The following SORCS1 variants were observed in gnomAD, a reference collection of about 807,000 sequenced individuals.
The protein encoded by SORCS1 is sortilin related VPS10 domain containing receptor 1, also known as VPS10 domain-containing receptor SorCS1.
A neutral mutation model predicts 146.1 loss-of-function variants in SORCS1; 60 were observed. The ratio of observed to expected loss-of-function variants is 0.41; its 90% CI spans 0.33 to 0.51. SORCS1 has a LOEUF of 0.51. SORCS1 is among the 20% of genes least tolerant of loss of function. The pLI is 0.21. For missense variants in SORCS1, 1,352 were observed against 1,487.6 expected, an observed-to-expected ratio of 0.91 and a Z score of 1.50; for synonymous variants, 637 against 584.0, an observed-to-expected ratio of 1.09 and a Z score of -1.31.
intron 1 of SORCS1, among the ~76,000 whole-genome samples, chr10:106,979,138 AAG>A (rs1428492914): frequency 6.6e-6 from 1 of 152,182 alleles, no homozygotes; most frequent in Non-Finnish European, 1.5e-5. Flanking sequence ...TCCAGGAAAA[AAG>A]AGGGTGAATA....
intron 2 of SORCS1, among the ~76,000 whole-genome samples, chr10:106,951,033 A>G (rs902232669): frequency 6.6e-6 from 1 of 152,212 alleles, no homozygotes; most frequent in Non-Finnish European, 1.5e-5. Context: ...CACTTATCTC[A>G]TATTTTTATT....
chr10:107,097,974 T>G (rs1487827710), intron 1 of SORCS1, among the ~76,000 whole-genome samples: 2 of 152,168 alleles, frequency 1.3e-5, no homozygotes, highest in Non-Finnish European at 2.9e-5. Flanking sequence ...TGTTACACAG[T>G]AGGGTGATCG....
intron 2 of SORCS1, among the ~76,000 whole-genome samples, chr10:106,860,443 A>G (rs569774525): frequency 2.0e-5 from 3 of 152,170 alleles, no homozygotes; most frequent in East Asian, 1.9e-4. Flanking sequence ...GTGAACATTT[A>G]TTGAATGCTT....
chr10:107,114,943 T>A (rs146665645), intron 1 of SORCS1, among the ~76,000 whole-genome samples: 1 of 152,196 alleles, frequency 6.6e-6, no homozygotes, highest in East Asian at 1.9e-4. Context: ...GTCAGTTGCA[T>A]TTCTATCACC....
chr10:106,891,949 C>T (rs1244668152), intron 2 of SORCS1, among the ~76,000 whole-genome samples: 1 of 152,152 alleles, frequency 6.6e-6, no homozygotes, highest in Non-Finnish European at 1.5e-5. Context: ...CCTTCTTCTA[C>T]CACAGCGTTC....
intron 3 of SORCS1, among the ~76,000 whole-genome samples, chr10:106,821,712 G>A (rs1481629042): frequency 6.6e-6 from 1 of 152,070 alleles, no homozygotes; most frequent in Non-Finnish European, 1.5e-5. Context: ...CCGAGGTCAG[G>A]AGATCAAGAC....
chr10:106,608,445 G>C (rs1034089666), intron 22 of SORCS1, among the ~76,000 whole-genome samples: 2 of 152,052 alleles, frequency 1.3e-5, no homozygotes, highest in African/African-American at 2.4e-5. Context: ...ACTCCACTGT[G>C]CTGCATTTTT....
chr10:106,729,443 C>CTT (rs34045437), intron 6 of SORCS1, among the ~76,000 whole-genome samples: 2 of 145,184 alleles, frequency 1.4e-5, no homozygotes, highest in Non-Finnish European at 3.0e-5. Flanking sequence ...CTCTCTCTCT[C>CTT]TTTTTTTTTT....
chr10:106,728,809 T>C (rs1025780673), intron 6 of SORCS1, among the ~76,000 whole-genome samples: 33 of 152,154 alleles, frequency 2.2e-4, no homozygotes, highest in Non-Finnish European at 1.5e-4. Context: ...GGGAAGGTCT[T>C]GGAAATGAGA....
chr10:106,601,483 A>G (rs1846237488), intron 23 of SORCS1, among the ~76,000 whole-genome samples: 1 of 152,206 alleles, frequency 6.6e-6, no homozygotes, highest in Admixed American at 6.5e-5. Flanking sequence ...TTAAAAGGAC[A>G]GTGGAGGCTC....
chr10:106,737,141 G>A (rs1857009249), intron 5 of SORCS1, among the ~76,000 whole-genome samples: 1 of 152,000 alleles, frequency 6.6e-6, no homozygotes, highest in African/African-American at 2.4e-5. Context: ...ATAAAGCTCA[G>A]GAGAGCAGTG....
chr10:107,171,687 T>C, the SORCS1 span, among the ~76,000 whole-genome samples: 37 of 152,080 alleles, frequency 2.4e-4, 1 homozygote. Context: ...GGCTAATTTT[T>C]GTAGTTTTAG....
intron 22 of SORCS1, among the ~76,000 whole-genome samples, chr10:106,610,303 C>T (rs1197856621): frequency 6.6e-6 from 1 of 151,996 alleles, no homozygotes; most frequent in Non-Finnish European, 1.5e-5. Flanking sequence ...TGGTTTGACT[C>T]CAGAATCTGA....
intron 1 of SORCS1, among the ~76,000 whole-genome samples, chr10:107,059,555 G>C (rs1960978409): frequency 6.6e-6 from 1 of 152,144 alleles, no homozygotes; most frequent in Non-Finnish European, 1.5e-5. Flanking sequence ...AGATTTCCTG[G>C]GAGGTCATAA....
intron 10 of SORCS1, among the ~76,000 whole-genome samples, chr10:106,680,799 AT>A (rs368156236): frequency 6.6e-6 from 1 of 152,288 alleles, no homozygotes; most frequent in African/African-American, 2.4e-5. Flanking sequence ...TATCTCTGTT[AT>A]TACTTTTATT....
the SORCS1 span, among the ~76,000 whole-genome samples, chr10:107,173,531 G>T: frequency 1.3e-5 from 2 of 152,114 alleles, no homozygotes; most frequent in South Asian, 2.1e-4. Context: ...ACAGCTAAAA[G>T]GGAAAAGAAG....
intron 3 of SORCS1, among the ~76,000 whole-genome samples, chr10:106,822,194 A>G (rs553554701): frequency 1.3e-5 from 2 of 152,342 alleles, no homozygotes; most frequent in African/African-American, 4.8e-5. Flanking sequence ...AACATATTGT[A>G]TTAAAATTTA....
intron 2 of SORCS1, among the ~76,000 whole-genome samples, chr10:106,854,627 T>A (rs1347286108): frequency 6.6e-6 from 1 of 152,084 alleles, no homozygotes; most frequent in Admixed American, 6.5e-5. Context: ...TCCTCTTCTT[T>A]TTCACTCTTT....
At chr10:106,748,208 C>A (rs578213976) in intron 5 of SORCS1, among the ~76,000 whole-genome samples, 49 of 152,224 alleles carry the variant, frequency 3.2e-4, no homozygotes, top group African/African-American at 1.1e-3. Context: ...GCCCTTCATG[C>A]AGCAATTCTA....
Sources: gnomAD v4.1 joint callset for allele counts (sites outside exome capture counted in the v4.1 genomes callset) on GRCh38, gnomAD v4.1.1 for gene constraint, MANE v1.5 for transcripts, NCBI Gene and HGNC (gene_info 2026-07-23, HGNC 2026-07-21) for gene names.